The following C12orf50 variants were observed in gnomAD, a reference collection of about 807,000 sequenced individuals.
C12orf50 encodes the protein zinc finger CCCH-type containing 11D, also known as uncharacterized protein C12orf50.
A neutral mutation model predicts 61.6 loss-of-function variants in C12orf50; 35 were observed. The ratio of observed to expected loss-of-function variants is 0.57; its 90% CI spans 0.43 to 0.75. C12orf50 has a LOEUF of 0.75. Ranked by LOEUF, C12orf50 falls within the 30% of genes least tolerant of loss-of-function variation. The pLI is 0.00. For synonymous variants in C12orf50, 178 were observed against 161.5 expected, an observed-to-expected ratio of 1.10 and a Z score of -0.77; for missense variants, 475 against 488.5, an observed-to-expected ratio of 0.97 and a Z score of 0.26.
intron 11 of C12orf50, 31 bp from the exon 12 acceptor site, chr12:87,983,226 T>G: frequency 7.0e-7 from 1 of 1,426,924 alleles, no homozygotes; most frequent in Middle Eastern, 1.8e-4. Flanking sequence ...ATTAAATATT[T>G]TATAACTTTA....
chr12:87,990,551 C>T (rs547994364), intron 7 of C12orf50, among the ~76,000 whole-genome samples: 1 of 152,202 alleles, frequency 6.6e-6, no homozygotes, highest in East Asian at 1.9e-4. Context: ...TGGAAAACAA[C>T]CCAATGCATG....
At chr12:87,982,199 C>T (rs542751028) in intron 12 of C12orf50, among the ~76,000 whole-genome samples, 16 of 152,072 alleles carry the variant, frequency 1.1e-4, no homozygotes, top group Non-Finnish European at 2.2e-4. Context: ...TTCATCAACT[C>T]TTCACCTCTT....
chr12:87,991,813 T>C (rs1043985499), intron 7 of C12orf50, among the ~76,000 whole-genome samples: 1 of 152,238 alleles, frequency 6.6e-6, no homozygotes, highest in African/African-American at 2.4e-5. Flanking sequence ...AGAAGACATG[T>C]ACAAGAATGT....
intron 3 of C12orf50, among the ~76,000 whole-genome samples, chr12:88,014,742 G>A (rs915378926): frequency 6.6e-6 from 1 of 151,992 alleles, no homozygotes; most frequent in Non-Finnish European, 1.5e-5. Context: ...GTATCTATTC[G>A]GCCAGTTTTT....
chr12:87,992,432 G>C (rs2031170067), intron 7 of C12orf50, among the ~76,000 whole-genome samples: 2 of 152,022 alleles, frequency 1.3e-5, no homozygotes, highest in African/African-American at 4.8e-5. Flanking sequence ...CATAGAGAGA[G>C]AAATGCCCAC....
intron 3 of C12orf50, among the ~76,000 whole-genome samples, chr12:87,999,321 A>G (rs957430152): frequency 6.6e-6 from 1 of 152,190 alleles, no homozygotes; most frequent in Non-Finnish European, 1.5e-5. Context: ...GCTACTCAGG[A>G]GGCTGAGGTG....
intron 3 of C12orf50, among the ~76,000 whole-genome samples, chr12:88,003,219 AT>A (rs764966633): frequency 2.0e-5 from 3 of 151,858 alleles, no homozygotes; most frequent in Non-Finnish European, 4.4e-5. Flanking sequence ...CTTTGTCATC[AT>A]ACAGTTTTGC....
At chr12:87,988,924 C>T (rs185701488) in intron 8 of C12orf50, among the ~76,000 whole-genome samples, 2 of 152,072 alleles carry the variant, frequency 1.3e-5, no homozygotes, top group Admixed American at 1.3e-4. Flanking sequence ...TGAGATTAAA[C>T]TCTTCACAAT....
At chr12:88,011,145 G>T (rs1323777791) in intron 3 of C12orf50, among the ~76,000 whole-genome samples, 1 of 151,996 alleles carries the variant, frequency 6.6e-6, no homozygotes, top group South Asian at 2.1e-4. Context: ...ATTATGTAGT[G>T]ATTACCTATT....
chr12:88,010,411 T>A (rs1450523008), intron 3 of C12orf50, among the ~76,000 whole-genome samples: 1 of 124,460 alleles, frequency 8.0e-6, no homozygotes, highest in East Asian at 2.0e-4. Flanking sequence ...ATAATAAGAT[T>A]ATAAGATTAA....
chr12:87,991,928 C>T (rs10777085), intron 7 of C12orf50, among the ~76,000 whole-genome samples: 21,173 of 152,114 alleles, frequency 0.14, 1,981 homozygotes, highest in African/African-American at 0.26. Flanking sequence ...TGCAAACGTA[C>T]GCAGAGTGGT....
At position 88,026,959 on chromosome 12, in the gene C12orf50, C is replaced by T; in HGVS notation, c.4G>A (p.Glu2Lys). The T allele has an allele frequency of 6.2e-7, 1 of 1,611,168 alleles. No individual in the cohort carries two copies. The highest frequency in any genetic ancestry group is 8.5e-7 in the Non-Finnish European group (1 of 1,179,372). MEMQQNCSISCF... is the reference protein window; with the variant it reads MKMQQNCSISCF... Reference sequence around the variant, plus strand: ...ACGCCAAGTAATTCTACCTGCATTTCCATGTGTCTAAATCTGCAAAGTGGA... The same window carrying T: ...ACGCCAAGTAATTCTACCTGCATTTTCATGTGTCTAAATCTGCAAAGTGGA... The change falls in exon 2 of 13, where the codon GAA becomes AAA. Residue 2 changes from glutamate (E) to lysine (K), a missense_variant. Coordinates refer to ENST00000298699, the MANE Select transcript of C12orf50 (RefSeq NM_152589.3).
chr12:87,994,114 A>T (rs974517045), intron 7 of C12orf50, among the ~76,000 whole-genome samples: 1 of 151,970 alleles, frequency 6.6e-6, no homozygotes, highest in Non-Finnish European at 1.5e-5. Context: ...GCAGGAGAAT[A>T]GCTTGAACTC....
At chr12:87,997,997 T>C in intron 4 of C12orf50, 38 bp downstream of exon 4, 1 of 1,542,828 alleles carries the variant, frequency 6.5e-7, no homozygotes, top group Non-Finnish European at 8.8e-7. Flanking sequence ...GTGAGGTTTT[T>C]GAATGTGTAT....
intron 1 of C12orf50, 23 bp from the exon 2 acceptor site, chr12:88,027,093 T>C: frequency 3.2e-6 from 5 of 1,578,908 alleles, no homozygotes; most frequent in Non-Finnish European, 3.4e-6. Flanking sequence ...GTAAACAGTG[T>C]AGAAAGCTCA....
At chr12:88,006,611 A>G (rs2031894581) in intron 3 of C12orf50, among the ~76,000 whole-genome samples, 1 of 152,128 alleles carries the variant, frequency 6.6e-6, no homozygotes, top group Non-Finnish European at 1.5e-5. Context: ...ACTGAGGCAA[A>G]GGTAATTGAG....
intron 3 of C12orf50, among the ~76,000 whole-genome samples, chr12:88,000,084 A>G (rs1024721649): frequency 2.0e-5 from 3 of 152,104 alleles, no homozygotes; most frequent in African/African-American, 7.2e-5. Flanking sequence ...GAGTGATCCA[A>G]TGTTTCATTG....
At chr12:88,003,823 T>C (rs1476877521) in intron 3 of C12orf50, among the ~76,000 whole-genome samples, 2 of 152,150 alleles carry the variant, frequency 1.3e-5, no homozygotes, top group Non-Finnish European at 2.9e-5. Flanking sequence ...TTTGTTGAGC[T>C]TCTTGTATAT....
chr12:88,023,063 AAAAGTTCAAAAAGGGAGGCATCATGTT>A (rs2032575031), intron 3 of C12orf50, among the ~76,000 whole-genome samples: 1 of 152,230 alleles, frequency 6.6e-6, no homozygotes, highest in Non-Finnish European at 1.5e-5. Flanking sequence ...TCTTAAAGCA[AAAAGTTCAAAAAGGGAGGCATCATGTT>A]ACCCAACTTC....
Sources: gnomAD v4.1 joint callset for allele counts (sites outside exome capture counted in the v4.1 genomes callset) on GRCh38, gnomAD v4.1.1 for gene constraint, MANE v1.5 for transcripts, NCBI Gene and HGNC (gene_info 2026-07-23, HGNC 2026-07-21) for gene names.